The following CREB5 variants were observed in gnomAD, a reference collection of about 807,000 sequenced individuals.
CREB5 encodes the protein cyclic AMP-responsive element-binding protein 5.
CREB5 carries 19 observed loss-of-function variants against 57.1 expected under a neutral mutation model. The ratio of observed to expected loss-of-function variants is 0.33; its 90% CI spans 0.23 to 0.49. The LOEUF (loss-of-function observed/expected upper bound fraction) is 0.49, where lower values mean the gene tolerates loss of function less well. Ranked by LOEUF, CREB5 falls within the 20% of genes least tolerant of loss-of-function variation. The probability of loss-of-function intolerance (pLI) is 0.99; values close to 1 mark genes in which losing one functional copy is unlikely to be tolerated. For missense variants in CREB5, 579 were observed against 671.6 expected, an observed-to-expected ratio of 0.86 and a Z score of 1.52; for synonymous variants, 238 against 238.3, an observed-to-expected ratio of 1.00 and a Z score of 0.01.
rs186156854 is a variant in CREB5 at position 28,396,247 on chromosome 7, T to C, written c.-25+96806T>C. Among the ~76,000 whole-genome samples, 12 of 152,326 alleles carry C rather than the reference T, an allele frequency of 7.9e-5. No individual in the cohort carries two copies. In the East Asian group the frequency reaches 1.7e-3, roughly 22 times the overall value. The stretch of plus-strand genomic sequence containing the variant: ...GCTTAGAGATACATGGCATGGTGCC[T>C]GAGAAAGAGTTAGATAAAGCTCTAG... On this transcript the variant is annotated intron_variant, in intron 1 of 9. Coordinates refer to the CREB5 transcript ENST00000396299.
At chr7:28,638,890 C>T (rs865930505) in intron 5 of CREB5, among the ~76,000 whole-genome samples, 3 of 152,154 alleles carry the variant, frequency 2.0e-5, no homozygotes, top group Admixed American at 6.5e-5. Flanking sequence ...ACTTTGTATA[C>T]TTCTTCCCAA....
chr7:28,796,838 A>T (rs938999865), intron 7 of CREB5, among the ~76,000 whole-genome samples: 61 of 152,180 alleles, frequency 4.0e-4, no homozygotes, highest in African/African-American at 1.5e-3. Context: ...TTCTCTAAGG[A>T]CCTAGAGCTG....
At chr7:28,441,884 A>G (rs1789200016) in intron 1 of CREB5, among the ~76,000 whole-genome samples, 1 of 152,226 alleles carries the variant, frequency 6.6e-6, no homozygotes, top group Non-Finnish European at 1.5e-5. Context: ...TCACATGTAT[A>G]CAACATAATG....
At chr7:28,813,439 G>T (rs546355398) in intron 9 of CREB5, among the ~76,000 whole-genome samples, 1 of 152,112 alleles carries the variant, frequency 6.6e-6, no homozygotes, top group Non-Finnish European at 1.5e-5. Context: ...CTGAAATTTT[G>T]GACACATGAG....
chr7:28,432,272 G>C (rs192372198), intron 1 of CREB5, among the ~76,000 whole-genome samples: 204 of 152,266 alleles, frequency 1.3e-3, no homozygotes, highest in African/African-American at 4.6e-3. Context: ...AGTTTCATGT[G>C]ACAGAACTTA....
intron 4 of CREB5, among the ~76,000 whole-genome samples, chr7:28,508,342 T>C (rs965426052): frequency 2.6e-5 from 4 of 152,172 alleles, no homozygotes; most frequent in South Asian, 2.1e-4. Context: ...ACAAGAATAA[T>C]GAAAGGAGAT....
At chr7:28,430,885 T>TGTA (rs1788682810) in intron 1 of CREB5, among the ~76,000 whole-genome samples, 1 of 152,214 alleles carries the variant, frequency 6.6e-6, no homozygotes, top group African/African-American at 2.4e-5. Context: ...CTGCCAGGGC[T>TGTA]GTAGTCACCT....
intron 4 of CREB5, among the ~76,000 whole-genome samples, chr7:28,564,857 G>T (rs901762266): frequency 1.3e-5 from 2 of 152,148 alleles, no homozygotes; most frequent in African/African-American, 4.8e-5. Context: ...AAAAATCAAC[G>T]TTTGTAGGTC....
intron 1 of CREB5, among the ~76,000 whole-genome samples, chr7:28,322,874 G>A (rs1481025488): frequency 2.6e-5 from 4 of 151,996 alleles, no homozygotes; most frequent in African/African-American, 7.3e-5. Context: ...AATCTTAAAT[G>A]TAACTGGCCT....
At chr7:28,647,405 G>A (rs749054924) in intron 5 of CREB5, among the ~76,000 whole-genome samples, 2 of 151,928 alleles carry the variant, frequency 1.3e-5, no homozygotes, top group African/African-American at 2.4e-5. Flanking sequence ...ATTAGATGCC[G>A]GATACCTCCC....
intron 5 of CREB5, among the ~76,000 whole-genome samples, chr7:28,622,246 C>G (rs906677216): frequency 2.2e-5 from 3 of 138,738 alleles, no homozygotes; most frequent in African/African-American, 8.6e-5. Context: ...CACACATTCT[C>G]TCTCTCTCTC....
chr7:28,699,776 C>T (rs1335153529), intron 5 of CREB5, among the ~76,000 whole-genome samples: 1 of 152,012 alleles, frequency 6.6e-6, no homozygotes, highest in Admixed American at 6.6e-5. Flanking sequence ...TAATGTAGAA[C>T]AATAGGGCCA....
intron 1 of CREB5, among the ~76,000 whole-genome samples, chr7:28,434,633 C>T (rs1397478239): frequency 6.6e-6 from 1 of 152,182 alleles, no homozygotes; most frequent in Non-Finnish European, 1.5e-5. Context: ...TTTTAAACCA[C>T]ATTAACTACT....
chr7:28,600,345 A>T (rs773557098), intron 5 of CREB5, among the ~76,000 whole-genome samples: 2 of 147,558 alleles, frequency 1.4e-5, no homozygotes, highest in African/African-American at 5.0e-5. Context: ...CAGGCGCAAG[A>T]CCTAAATTTA....
intron 4 of CREB5, among the ~76,000 whole-genome samples, chr7:28,567,973 G>A (rs1355854911): frequency 6.6e-6 from 1 of 152,140 alleles, no homozygotes; most frequent in Non-Finnish European, 1.5e-5. Flanking sequence ...TGTGTAATGT[G>A]ATCACTTTTG....
At chr7:28,560,879 C>CGTGTGCGTGTGTGTGCGTGTGCGTGCGT (rs1215492156) in intron 4 of CREB5, among the ~76,000 whole-genome samples, 1 of 22,060 alleles carries the variant, frequency 4.5e-5, no homozygotes, top group Non-Finnish European at 1.0e-4. Flanking sequence ...CGTGCGCGTG[C>CGTGTGCGTGTGTGTGCGTGTGCGTGCGT]GTGCGTGCGT....
chr7:28,358,168 C>T (rs1786383513), intron 1 of CREB5, among the ~76,000 whole-genome samples: 1 of 152,180 alleles, frequency 6.6e-6, no homozygotes, highest in African/African-American at 2.4e-5. Flanking sequence ...AAGGTCATGT[C>T]CTCTGACAAT....
chr7:28,563,088 T>C (rs1039524174), intron 4 of CREB5, among the ~76,000 whole-genome samples: 4 of 152,156 alleles, frequency 2.6e-5, no homozygotes, highest in African/African-American at 9.7e-5. Flanking sequence ...ACCATATATC[T>C]ACCTTCTAGA....
chr7:28,589,976 A>G (rs13235569), intron 5 of CREB5, among the ~76,000 whole-genome samples: 20,827 of 152,212 alleles, frequency 0.14, 1,896 homozygotes, highest in East Asian at 0.36. Context: ...ATCTGGTGGT[A>G]TGGGACTCAG....
Sources: gnomAD v4.1 joint callset for allele counts (sites outside exome capture counted in the v4.1 genomes callset) on GRCh38, gnomAD v4.1.1 for gene constraint, MANE v1.5 for transcripts, NCBI Gene and HGNC (gene_info 2026-07-23, HGNC 2026-07-21) for gene names.